Variants in RPS6KA6 observed in about 807,000 individuals in gnomAD.
RPS6KA6 encodes the protein ribosomal protein S6 kinase A6, also known as ribosomal protein S6 kinase alpha-6.
A neutral mutation model predicts 65.4 loss-of-function variants in RPS6KA6; 27 were observed. The ratio of observed to expected loss-of-function variants is 0.41; its 90% CI spans 0.30 to 0.57. RPS6KA6 has a LOEUF of 0.57. Ranked by LOEUF, RPS6KA6 falls within the 20% of genes least tolerant of loss-of-function variation. The pLI, the probability that RPS6KA6 is intolerant of heterozygous loss-of-function variation, is 0.24. For synonymous variants in RPS6KA6, 190 were observed against 184.2 expected (o/e 1.03, Z -0.26); for missense variants, 486 against 555.6 (o/e 0.87, Z 1.26).
intron 3 of RPS6KA6, among the ~76,000 whole-genome samples, chrX:84,149,554 T>G (rs1190145758): frequency 8.9e-6 from 1 of 111,825 alleles, no homozygotes; most frequent in Non-Finnish European, 1.9e-5. Flanking sequence ...ACAACATTAA[T>G]CTCCTTGTAC....
chrX:84,141,581 T>A (rs182072000), intron 6 of RPS6KA6, among the ~76,000 whole-genome samples: 15 of 110,955 alleles, frequency 1.4e-4, no homozygotes, highest in Admixed American at 8.6e-4. Context: ...ACGTGGACTC[T>A]CAGATTGGAT....
chrX:84,126,595 A>G (rs1372422395), intron 8 of RPS6KA6, among the ~76,000 whole-genome samples: 1 of 111,852 alleles, frequency 8.9e-6, no homozygotes, highest in African/African-American at 3.2e-5. Context: ...CATATGTTAG[A>G]TCACAAAACA....
chrX:84,084,386 T>C (rs2033872376), intron 20 of RPS6KA6, among the ~76,000 whole-genome samples: 1 of 112,288 alleles, frequency 8.9e-6, no homozygotes, highest in African/African-American at 3.2e-5. Context: ...TTAATTTTTG[T>C]ATAAGGTGTA....
At chrX:84,123,929 T>C (rs1414637484) in intron 8 of RPS6KA6, among the ~76,000 whole-genome samples, 3 of 111,470 alleles carry the variant, frequency 2.7e-5, no homozygotes, top group Non-Finnish European at 5.7e-5. Flanking sequence ...ATGCAGTCTG[T>C]GTGGTGGCGG....
At chrX:84,092,536 C>T (rs765913493) in intron 20 of RPS6KA6, among the ~76,000 whole-genome samples, 35 of 109,197 alleles carry the variant, frequency 3.2e-4, no homozygotes, top group Non-Finnish European at 4.6e-4. Flanking sequence ...GTGGGAGAAT[C>T]GCTTGAACCT....
intron 12 of RPS6KA6, among the ~76,000 whole-genome samples, chrX:84,110,128 G>A (rs2034441514): frequency 8.9e-6 from 1 of 112,057 alleles, no homozygotes; most frequent in African/African-American, 3.2e-5. Context: ...AGTGTCTTCT[G>A]TGGCTATCAG....
chrX:84,119,032 A>G (rs1036915437), intron 9 of RPS6KA6, among the ~76,000 whole-genome samples: 2 of 111,826 alleles, frequency 1.8e-5, no homozygotes, highest in African/African-American at 6.5e-5. Context: ...ACACACAACT[A>G]TTTAAATTTT....
rs150401221 is a variant in RPS6KA6, at chrX:84,101,981, T to C, written c.1776+56A>G. 1,924 of 982,943 alleles carry C rather than the reference T, an allele frequency of 2.0e-3. 30 individuals carry two copies. The African/African-American group carries it at 0.034, about 18-fold the overall frequency. The allele number at this position is 982,943 out of a possible 1,213,427, so 81.0% of individuals were successfully genotyped here. ...ACCATAACATTCATATGGCATCATA[T>C]AGATTCAACTAAAGGAAAAGAATGA... On this transcript the variant is annotated intron_variant, in intron 18 of 21. Coordinates refer to ENST00000262752, the MANE Select transcript of RPS6KA6 (RefSeq NM_014496.5).
Position 84,125,937 on chromosome X carries a change from G to T in RPS6KA6, c.647-5910C>A, listed in dbSNP as rs11092122. Among the ~76,000 whole-genome samples the T allele has an allele frequency of 1.4e-3, 155 of 110,167 alleles. 1 individual carries two copies. The highest frequency in any genetic ancestry group is 4.7e-3 in the African/African-American group (143 of 30,343). On this transcript the variant is annotated intron_variant, in intron 8 of 21. Transcript: ENST00000262752. ...ATCACCTTCAGTAAAAGGAGGGCAG[G>T]GAGGAAGAAAACAAGGAAGAGAAGA... is the stretch of plus-strand genomic sequence containing the variant.
chrX:84,157,499 T>C (rs1487004837), intron 2 of RPS6KA6, among the ~76,000 whole-genome samples: 1 of 111,120 alleles, frequency 9.0e-6, no homozygotes, highest in African/African-American at 3.3e-5. Context: ...TTAATGCAAA[T>C]ATAGATGCTT....
intron 6 of RPS6KA6, among the ~76,000 whole-genome samples, chrX:84,141,645 C>T (rs1321660143): frequency 9.0e-6 from 1 of 111,148 alleles, no homozygotes; most frequent in Non-Finnish European, 1.9e-5. Context: ...AATATAAAGA[C>T]ACACATAGGC....
At chrX:84,088,271 G>A (rs1317773205) in intron 20 of RPS6KA6, among the ~76,000 whole-genome samples, 1 of 111,880 alleles carries the variant, frequency 8.9e-6, no homozygotes, top group Non-Finnish European at 1.9e-5. Context: ...TGATCTTTGA[G>A]GTTGCTGACC....
chrX:84,120,083 C>T (rs1470282758), intron 8 of RPS6KA6, 56 bp from the exon 9 acceptor site: 5 of 913,562 alleles, frequency 5.5e-6, no homozygotes, highest in South Asian at 3.2e-5. Context: ...AAATAGAAAA[C>T]GTCAAAAGAA....
At chrX:84,181,794 T>G (rs2035857007) in intron 1 of RPS6KA6, among the ~76,000 whole-genome samples, 1 of 110,590 alleles carries the variant, frequency 9.0e-6, no homozygotes, top group Admixed American at 9.7e-5. Flanking sequence ...AAGGCCAAAT[T>G]TATAATTCAA....
chrX:84,089,035 G>A (rs748075056), intron 20 of RPS6KA6, among the ~76,000 whole-genome samples: 1 of 110,889 alleles, frequency 9.0e-6, no homozygotes, highest in Non-Finnish European at 1.9e-5. Context: ...TCCCACCAGG[G>A]GCTCCATCCT....
intron 6 of RPS6KA6, 47 bp downstream of exon 6, chrX:84,145,431 C>T (rs1321439991): frequency 1.2e-6 from 1 of 814,515 alleles, no homozygotes. Flanking sequence ...AGTGATTTTT[C>T]TTAGTTTTGT....
chrX:84,123,440 C>T (rs1390508696), intron 8 of RPS6KA6, among the ~76,000 whole-genome samples: 3 of 112,613 alleles, frequency 2.7e-5, no homozygotes, highest in Non-Finnish European at 5.6e-5. Flanking sequence ...TGCCCTGGGG[C>T]ATATGGGAGC....
intron 3 of RPS6KA6, among the ~76,000 whole-genome samples, chrX:84,151,121 GATAT>G (rs1265562745): frequency 6.3e-5 from 6 of 95,572 alleles, no homozygotes; most frequent in African/African-American, 2.3e-4. Flanking sequence ...ATATATATAG[GATAT>G]ATATAGATAT....
chrX:84,144,225 T>C (rs2035156538), intron 6 of RPS6KA6, among the ~76,000 whole-genome samples: 1 of 111,062 alleles, frequency 9.0e-6, no homozygotes, highest in African/African-American at 3.3e-5. Context: ...AATACACTGT[T>C]AAGAGAATGA....
Sources: gnomAD v4.1 joint callset for allele counts (sites outside exome capture counted in the v4.1 genomes callset) on GRCh38, gnomAD v4.1.1 for gene constraint, MANE v1.5 for transcripts, NCBI Gene and HGNC (gene_info 2026-07-23, HGNC 2026-07-21) for gene names.